TRIP12: variants seen among roughly 807,000 people sequenced by gnomAD.
The protein encoded by TRIP12 is E3 ubiquitin-protein ligase TRIP12.
TRIP12 carries 25 observed loss-of-function variants against 244.2 expected under a neutral mutation model. That is an observed-to-expected ratio of 0.10 (90% CI 0.07 to 0.14). The LOEUF is 0.14. Among genes scored for constraint, TRIP12 ranks in the 10% least tolerant of loss-of-function variants. The pLI is 1.00. For synonymous variants in TRIP12, 905 were observed against 873.1 expected, an observed-to-expected ratio of 1.04 and a Z score of -0.64; for missense variants, 1,677 against 2,486.4, an observed-to-expected ratio of 0.67 and a Z score of 6.92.
chr2:229,788,500 C>G (rs951771125), intron 32 of TRIP12, among the ~76,000 whole-genome samples: 11 of 152,194 alleles, frequency 7.2e-5, no homozygotes, highest in Admixed American at 5.2e-4. Flanking sequence ...CTCAGAGAAT[C>G]AAGCAACTAC....
At chr2:229,802,678 G>A (rs939908546) in intron 20 of TRIP12, among the ~76,000 whole-genome samples, 1 of 152,188 alleles carries the variant, frequency 6.6e-6, no homozygotes, top group Non-Finnish European at 1.5e-5. Context: ...TACTGATATT[G>A]AATGTCTTCT....
At chr2:229,884,225 ATTTT>A (rs1275643160) in intron 1 of TRIP12, among the ~76,000 whole-genome samples, 1 of 142,146 alleles carries the variant, frequency 7.0e-6, no homozygotes, top group Non-Finnish European at 1.5e-5. Flanking sequence ...ACATTTTGCA[ATTTT>A]TCTTTTCTTT....
At chr2:229,776,988 A>G (rs774827496) in intron 37 of TRIP12, among the ~76,000 whole-genome samples, 5 of 152,188 alleles carry the variant, frequency 3.3e-5, no homozygotes, top group Non-Finnish European at 7.3e-5. Context: ...CTGTTCTGAG[A>G]ATAGTTTTAC....
At chr2:229,840,701 A>G (rs1243155709) in intron 5 of TRIP12, 121 bp downstream of exon 5, 1 of 784,082 alleles carries the variant, frequency 1.3e-6, no homozygotes, top group Non-Finnish European at 1.9e-6. Flanking sequence ...AGACTCCGTC[A>G]AAAAACAAAA....
chr2:229,853,854 G>A (rs1191536234), intron 4 of TRIP12, among the ~76,000 whole-genome samples: 2 of 152,064 alleles, frequency 1.3e-5, no homozygotes, highest in African/African-American at 4.8e-5. Flanking sequence ...ATTAGTAATA[G>A]GGTTGGTATC....
At chr2:229,839,664 G>A (rs2055857808) in intron 5 of TRIP12, among the ~76,000 whole-genome samples, 1 of 150,830 alleles carries the variant, frequency 6.6e-6, no homozygotes, top group Non-Finnish European at 1.5e-5. Flanking sequence ...GGGCGACAGA[G>A]TGAGACTCCA....
chr2:229,911,817 T>C (rs1252937794), intron 1 of TRIP12, among the ~76,000 whole-genome samples: 2 of 152,188 alleles, frequency 1.3e-5, no homozygotes, highest in Non-Finnish European at 2.9e-5. Context: ...CTATGTAATA[T>C]TAATTTGTAC....
chr2:229,878,872 G>A (rs564440970), intron 2 of TRIP12, among the ~76,000 whole-genome samples: 63 of 151,852 alleles, frequency 4.1e-4, no homozygotes, highest in African/African-American at 1.3e-3. Context: ...GTGAGCCACC[G>A]CGCCCGGCCT....
At chr2:229,886,016 G>GA (rs2065932493) in intron 1 of TRIP12, among the ~76,000 whole-genome samples, 1 of 152,058 alleles carries the variant, frequency 6.6e-6, no homozygotes, top group Middle Eastern at 3.2e-3. Flanking sequence ...CAATCTTAAA[G>GA]AAAAACGGGG....
chr2:229,819,771 A>G (rs2049531853), intron 8 of TRIP12, among the ~76,000 whole-genome samples: 2 of 152,188 alleles, frequency 1.3e-5, no homozygotes, highest in African/African-American at 2.4e-5. Context: ...AATGGGATAT[A>G]TGTCTGGAAA....
At chr2:229,880,397 CTCAAT>C (rs1205216830) in intron 1 of TRIP12, among the ~76,000 whole-genome samples, 1 of 152,146 alleles carries the variant, frequency 6.6e-6, no homozygotes, top group Non-Finnish European at 1.5e-5. Context: ...CCAGAAAATT[CTCAAT>C]TCAAAGAAAA....
chr2:229,792,926 T>C (rs2041913116), intron 27 of TRIP12, 47 bp downstream of exon 27: 1 of 1,545,766 alleles, frequency 6.5e-7, no homozygotes, highest in Non-Finnish European at 8.8e-7. Context: ...TGTAAATTTC[T>C]CCCAAATATA....
chr2:229,898,070 G>A (rs1473858922), intron 1 of TRIP12, among the ~76,000 whole-genome samples: 1 of 152,204 alleles, frequency 6.6e-6, no homozygotes, highest in Admixed American at 6.5e-5. Context: ...GAGAGAAAGA[G>A]AGAGACAGCA....
chr2:229,907,869 T>C (rs1311356406), intron 1 of TRIP12, among the ~76,000 whole-genome samples: 1 of 152,154 alleles, frequency 6.6e-6, no homozygotes, highest in Non-Finnish European at 1.5e-5. Context: ...TACCAGGCAT[T>C]GTTTTAAATG....
At chr2:229,833,374 G>A (rs980699681) in intron 6 of TRIP12, among the ~76,000 whole-genome samples, 1 of 152,234 alleles carries the variant, frequency 6.6e-6, no homozygotes, top group East Asian at 1.9e-4. Flanking sequence ...TGCAACTTCC[G>A]CCTCCAGGGC....
chr2:229,832,886 T>C (rs1377226997), intron 6 of TRIP12, among the ~76,000 whole-genome samples: 8 of 152,188 alleles, frequency 5.3e-5, no homozygotes, highest in Admixed American at 5.2e-4. Context: ...GCTCTTAAAC[T>C]TATCTTAAGA....
intron 1 of TRIP12, among the ~76,000 whole-genome samples, chr2:229,897,964 C>A (rs1229107897): frequency 6.6e-6 from 1 of 151,496 alleles, no homozygotes; most frequent in African/African-American, 2.5e-5. Context: ...CAATGAGAGT[C>A]TCCTCCCAAG....
At chr2:229,803,918 C>G in intron 19 of TRIP12, 81 bp downstream of exon 19, 1 of 1,279,354 alleles carries the variant, frequency 7.8e-7, no homozygotes, top group Non-Finnish European at 1.1e-6. Flanking sequence ...CATATTTTTT[C>G]TATTATTACT....
At chr2:229,769,669 G>A (rs775406426) in intron 39 of TRIP12, among the ~76,000 whole-genome samples, 1 of 151,918 alleles carries the variant, frequency 6.6e-6, no homozygotes, top group Non-Finnish European at 1.5e-5. Flanking sequence ...CTTCTAGTCA[G>A]GGAGATTTTA....
Sources: allele counts gnomAD v4.1 joint callset (sites outside exome capture counted in the v4.1 genomes callset), GRCh38; gene constraint gnomAD v4.1.1; transcripts MANE v1.5; gene names NCBI Gene and HGNC (gene_info 2026-07-23, HGNC 2026-07-21).